The following NOVA1 variants were observed in gnomAD, a reference collection of about 807,000 sequenced individuals.
NOVA1 encodes RNA-binding protein Nova-1.
In NOVA1, 7 loss-of-function variants were observed where a neutral mutation model predicts 38.0. The ratio of observed to expected loss-of-function variants is 0.18; its 90% CI spans 0.10 to 0.35. The LOEUF (loss-of-function observed/expected upper bound fraction) is 0.35, where lower values mean the gene tolerates loss of function less well. NOVA1 is among the 10% of genes least tolerant of loss of function. The pLI is 1.00. For missense variants in NOVA1, 460 were observed against 616.0 expected (o/e 0.75, Z 2.68); for synonymous variants, 270 against 232.5 (o/e 1.16, Z -1.47).
intron 2 of NOVA1, among the ~76,000 whole-genome samples, chr14:26,491,969 A>T (rs1410916053): frequency 6.6e-6 from 1 of 152,144 alleles, no homozygotes; most frequent in African/African-American, 2.4e-5. Flanking sequence ...CTGTAAAAAA[A>T]AAAAAACATT....
chr14:26,554,762 C>A (rs1891382132), intron 2 of NOVA1, among the ~76,000 whole-genome samples: 2 of 152,110 alleles, frequency 1.3e-5, no homozygotes, highest in East Asian at 3.9e-4. Context: ...CTATTCATTT[C>A]TCTAAAACAT....
chr14:26,563,370 A>G (rs1891943211), intron 2 of NOVA1, among the ~76,000 whole-genome samples: 2 of 151,938 alleles, frequency 1.3e-5, no homozygotes, highest in Admixed American at 6.6e-5. Flanking sequence ...GAAGTAAAAA[A>G]TCAGAGAAAC....
At chr14:26,516,821 T>C (rs980349092) in intron 2 of NOVA1, among the ~76,000 whole-genome samples, 1 of 152,020 alleles carries the variant, frequency 6.6e-6, no homozygotes, top group Non-Finnish European at 1.5e-5. Flanking sequence ...GTTAAAGAAA[T>C]GAAGAAGAAT....
At chr14:26,473,159 G>A (rs1401498276) in intron 3 of NOVA1, among the ~76,000 whole-genome samples, 1 of 151,336 alleles carries the variant, frequency 6.6e-6, no homozygotes, top group South Asian at 2.1e-4. Flanking sequence ...AAAATATTAG[G>A]AATCATATTT....
At chr14:26,473,744 T>C (rs1884770123) in intron 3 of NOVA1, among the ~76,000 whole-genome samples, 1 of 152,020 alleles carries the variant, frequency 6.6e-6, no homozygotes, top group African/African-American at 2.4e-5. Context: ...AATTCCTGAT[T>C]CTTCTAAAGT....
At chr14:26,468,913 T>C (rs1221584130) in intron 4 of NOVA1, among the ~76,000 whole-genome samples, 1 of 152,170 alleles carries the variant, frequency 6.6e-6, no homozygotes, top group African/African-American at 2.4e-5. Context: ...TAACAAGGAC[T>C]AAGGTTAAAA....
intron 2 of NOVA1, among the ~76,000 whole-genome samples, chr14:26,520,341 G>A (rs1011141674): frequency 4.6e-5 from 7 of 152,244 alleles, no homozygotes; most frequent in Middle Eastern, 6.8e-3. Flanking sequence ...ACTTCAGTAT[G>A]CTTAGATTTT....
At chr14:26,562,163 T>C (rs1489534044) in intron 2 of NOVA1, among the ~76,000 whole-genome samples, 1 of 152,154 alleles carries the variant, frequency 6.6e-6, no homozygotes, top group Non-Finnish European at 1.5e-5. Flanking sequence ...TAAAGAAGTA[T>C]GTATTGTAGG....
Position 26,597,541 on chromosome 14 carries a change from T to G in NOVA1, c.-105A>C. The stretch of plus-strand genomic sequence containing the variant: ...TTTTTTTTTTTTTTGCGTTTGGGGT[T>G]TCTTAAGGTTTTTTTTTTTTAATCG... On this transcript the variant is annotated 5_prime_UTR_variant, in exon 1 of 5. Coordinates refer to ENST00000539517, the MANE Select transcript of NOVA1 (RefSeq NM_002515.3). 2.6e-6 allele frequency: 3 copies of G among 1,137,428 alleles called. No individual in the cohort carries two copies. The highest frequency in any genetic ancestry group is 3.2e-6 in the Non-Finnish European group (3 of 923,318). 70.5% of individuals were successfully genotyped at this position (1,137,428 alleles called of 1,614,324 possible). A position where few individuals can be genotyped will look rare whatever the true frequency, so the allele number is the denominator to read the frequency against.
chr14:26,551,973 T>C (rs1022040401), intron 2 of NOVA1, among the ~76,000 whole-genome samples: 17 of 152,156 alleles, frequency 1.1e-4, no homozygotes, highest in African/African-American at 3.6e-4. Flanking sequence ...TAAATACTCA[T>C]TTATAAAATG....
At position 26,560,059 on chromosome 14, in the gene NOVA1, T is replaced by A. The variant is rs1202997823; in HGVS notation, c.280+35351A>T. On this transcript the variant is annotated intron_variant, in intron 2 of 4. Coordinates refer to ENST00000539517, the MANE Select transcript of NOVA1 (RefSeq NM_002515.3). ...AATTTGTAAATATGCACATCTACTATATATCAATTAAAATATAATGTTTAA... is the reference window on the plus strand; with the variant it reads ...AATTTGTAAATATGCACATCTACTAAATATCAATTAAAATATAATGTTTAA... Among the ~76,000 whole-genome samples the A allele has an allele frequency of 3.9e-5, 6 of 152,032 alleles. 1 individual carries two copies. In the South Asian group the frequency reaches 1.2e-3, roughly 31 times the overall value.
chr14:26,449,881 C>G (rs1234104446), intron 4 of NOVA1, among the ~76,000 whole-genome samples: 2 of 151,992 alleles, frequency 1.3e-5, no homozygotes, highest in South Asian at 2.1e-4. Context: ...ATTGAAACAT[C>G]CAGCCACAAA....
intron 4 of NOVA1, among the ~76,000 whole-genome samples, chr14:26,462,947 A>G (rs936615652): frequency 6.6e-6 from 1 of 152,112 alleles, no homozygotes; most frequent in African/African-American, 2.4e-5. Context: ...AAATGTAGTG[A>G]TTTTCATATT....
rs1894294841 is a variant in NOVA1 at position 26,597,672 on chromosome 14, C to G, written c.-236G>C. 1 of 1,189,708 alleles carries G rather than the reference C, an allele frequency of 8.4e-7. No individual in the cohort carries two copies. The highest frequency in any genetic ancestry group is 3.6e-5 in the East Asian group (1 of 27,882). The allele number at this position is 1,189,708 out of a possible 1,614,324, so 73.7% of individuals were successfully genotyped here. A position where few individuals can be genotyped will look rare whatever the true frequency, so the allele number is the denominator to read the frequency against. On this transcript the variant is annotated 5_prime_UTR_variant, in exon 1 of 5. Coordinates refer to ENST00000539517, the MANE Select transcript of NOVA1 (RefSeq NM_002515.3). ...CTGCAGTGCAGTGTCAGAAAGGAGA[C>G]AGGGGAATGGAGGGGGTGTGAGAGA...
At chr14:26,528,935 G>A (rs964555555) in intron 2 of NOVA1, among the ~76,000 whole-genome samples, 1 of 152,110 alleles carries the variant, frequency 6.6e-6, no homozygotes, top group Non-Finnish European at 1.5e-5. Flanking sequence ...CTCCCAGCCA[G>A]CTGAAGTGAG....
chr14:26,511,645 G>A (rs1030994559), intron 2 of NOVA1, among the ~76,000 whole-genome samples: 4 of 151,920 alleles, frequency 2.6e-5, no homozygotes, highest in Non-Finnish European at 1.5e-5. Context: ...CCAGCTACTC[G>A]GGAGGCTGAG....
In NOVA1 at chr14:26,597,395, A is replaced by G. The variant is rs1466809073; in HGVS notation, c.42T>C (p.Thr14=). Residue 14 remains threonine, a synonymous_variant, in exon 1 of 5, where the codon ACT becomes ACC. Transcript: ENST00000539517. The part of the protein sequence containing the change: ...AAPIQQNGTH[T]GVPIDLDPPD... ...GCGGGTCCAGGTCTATGGGAACCCC[A>G]GTGTGGGTCCCGTTCTGCTGGATGG... 7.0e-6 allele frequency: 9 copies of G among 1,279,856 alleles called. No individual in the cohort carries two copies. The highest frequency in any genetic ancestry group is 9.0e-6 in the Non-Finnish European group (9 of 1,005,472). The allele number at this position is 1,279,856 out of a possible 1,614,324, so 79.3% of individuals were successfully genotyped here.
chr14:26,597,683 A>T lies in NOVA1; in HGVS notation c.-247T>A. 2 of 1,145,224 alleles carry T rather than the reference A, an allele frequency of 1.7e-6. No homozygotes were observed. The highest frequency in any genetic ancestry group is 2.1e-6 in the Non-Finnish European group (2 of 939,798). The allele number at this position is 1,145,224 out of a possible 1,614,324, so 70.9% of individuals were successfully genotyped here. A position where few individuals can be genotyped will look rare whatever the true frequency, so the allele number is the denominator to read the frequency against. ...TGTCAGAAAGGAGACAGGGGAATGG[A>T]GGGGGTGTGAGAGACGGAGGGTGAA... On this transcript the variant is annotated 5_prime_UTR_variant, in exon 1 of 5. Transcript: ENST00000539517.
chr14:26,595,959 A>T (rs77250210), intron 1 of NOVA1: 16,481 of 395,196 alleles, frequency 0.042, 480 homozygotes, highest in South Asian at 0.072. Flanking sequence ...ATTAAAAAAG[A>T]AGAAAAGCCC....
Sources: allele counts gnomAD v4.1 joint callset (sites outside exome capture counted in the v4.1 genomes callset), GRCh38; gene constraint gnomAD v4.1.1; transcripts MANE v1.5; gene names NCBI Gene and HGNC (gene_info 2026-07-23, HGNC 2026-07-21).